NRCAM: variants seen among roughly 807,000 people sequenced by gnomAD.
NRCAM encodes neuronal cell adhesion molecule, also known as NgCAM-related cell adhesion molecule.
A neutral mutation model predicts 156.5 loss-of-function variants in NRCAM; 83 were observed. The ratio of observed to expected loss-of-function variants is 0.53; its 90% confidence interval spans 0.44 to 0.64. The LOEUF (loss-of-function observed/expected upper bound fraction) is 0.64. NRCAM is among the 30% of genes least tolerant of loss of function. NRCAM has a pLI of 0.00. For missense variants in NRCAM, 1,417 were observed against 1,597.3 expected, an observed-to-expected ratio of 0.89 and a Z score of 1.92; for synonymous variants, 538 against 563.9, an observed-to-expected ratio of 0.95 and a Z score of 0.65.
chr7:108,332,355 A>G (rs1024017337), intron 2 of NRCAM, among the ~76,000 whole-genome samples: 1 of 152,246 alleles, frequency 6.6e-6, no homozygotes, highest in African/African-American at 2.4e-5. Flanking sequence ...TTTCAAGAGA[A>G]TAGTAGAGAC....
chr7:108,291,536 C>A (rs116751520), intron 3 of NRCAM, among the ~76,000 whole-genome samples: 6 of 152,280 alleles, frequency 3.9e-5, no homozygotes, highest in African/African-American at 1.4e-4. Flanking sequence ...TCAGGACTGG[C>A]TAACGATAGT....
chr7:108,178,250 G>T, intron 25 of NRCAM, 138 bp from the exon 26 acceptor site: 1 of 752,586 alleles, frequency 1.3e-6, no homozygotes, highest in Non-Finnish European at 2.1e-6. Flanking sequence ...AAATACATTA[G>T]TACAAACCTG....
intron 3 of NRCAM, among the ~76,000 whole-genome samples, chr7:108,296,369 T>C (rs1267019616): frequency 6.6e-6 from 1 of 152,180 alleles, no homozygotes; most frequent in Non-Finnish European, 1.5e-5. Context: ...CACTAAAGTA[T>C]TACTTATGGA....
chr7:108,437,610 G>A (rs1417202358), intron 1 of NRCAM, among the ~76,000 whole-genome samples: 3 of 151,876 alleles, frequency 2.0e-5, no homozygotes, highest in South Asian at 4.2e-4. Flanking sequence ...AAAAAACAAC[G>A]GAGGCCTGAA....
At chr7:108,193,691 A>G (rs1261722896) in intron 17 of NRCAM, among the ~76,000 whole-genome samples, 2 of 152,344 alleles carry the variant, frequency 1.3e-5, no homozygotes, top group African/African-American at 4.8e-5. Context: ...GCTTATTTGT[A>G]GAAAGGTAAT....
chr7:108,189,673 TG>T lies in NRCAM; in HGVS notation c.2006del (p.Pro669GlnfsTer41). On this transcript the variant is annotated frameshift_variant, in exon 20 of 33. Coordinates refer to ENST00000379028, the MANE Select transcript of NRCAM (RefSeq NM_001037132.4). LOFTEE classifies it high-confidence loss of function. ...TAATGGGGCTATTGTTGTCATCGCC[TG>T]GGGTCCATGACAGCTGAACACTTTT... is the stretch of plus-strand genomic sequence containing the variant. ...LDKSVQLSWT[P>X]GDDNNSPITK... 2.7e-6 allele frequency: 4 copies of T among 1,505,104 alleles called. No homozygotes were observed. The highest frequency in any genetic ancestry group is 2.8e-6 in the Non-Finnish European group (3 of 1,083,166). 93.2% of individuals were successfully genotyped at this position (1,505,104 alleles called of 1,614,324 possible).
At position 108,335,434 on chromosome 7, in the gene NRCAM, C is replaced by CTTTTTTTTTTTTTTTTTTTTTT. The variant is rs58975301; in HGVS notation, c.-173-22725_-173-22704dup. 4.6e-4 allele frequency among the ~76,000 whole-genome samples: 32 copies of CTTTTTTTTTTTTTTTTTTTTTT among 69,874 alleles called. 1 individual carries two copies. Among genetic ancestry groups the CTTTTTTTTTTTTTTTTTTTTTT allele is most frequent in the African/African-American group, 6.5e-4 (11 of 17,038 alleles). 45.8% of individuals were successfully genotyped at this position (69,874 alleles called of 152,430 possible). A position where few individuals can be genotyped will look rare whatever the true frequency, so the allele number is the denominator to read the frequency against. Reference sequence around the variant, plus strand: ...ATGTCCTGTGGATCTGTTCCACCTGCTTTTTTTTTTTTTTTTTTTTTTTTT... The same window carrying CTTTTTTTTTTTTTTTTTTTTTT: ...ATGTCCTGTGGATCTGTTCCACCTGCTTTTTTTTTTTTTTTTTTTTTTTTTTTTTTTTTTTTTTTTTTTTTTT... On this transcript the variant is annotated intron_variant, in intron 2 of 32. Coordinates refer to ENST00000379028, the MANE Select transcript of NRCAM (RefSeq NM_001037132.4).
chr7:108,349,193 G>C (rs569163931), intron 2 of NRCAM, among the ~76,000 whole-genome samples: 1 of 152,078 alleles, frequency 6.6e-6, no homozygotes, highest in African/African-American at 2.4e-5. Context: ...TTACTGCTCT[G>C]AGCCTCTCAG....
At chr7:108,256,556 C>T (rs1279973896) in intron 3 of NRCAM, among the ~76,000 whole-genome samples, 2 of 151,548 alleles carry the variant, frequency 1.3e-5, no homozygotes, top group Admixed American at 1.3e-4. Context: ...GCTGACCTTC[C>T]CTCCACTATT....
At chr7:108,379,332 T>C (rs2099690899) in intron 2 of NRCAM, among the ~76,000 whole-genome samples, 1 of 152,200 alleles carries the variant, frequency 6.6e-6, no homozygotes, top group Non-Finnish European at 1.5e-5. Context: ...TTCTGGTGCA[T>C]GCTACAACAT....
intron 2 of NRCAM, among the ~76,000 whole-genome samples, chr7:108,368,583 T>C (rs570090463): frequency 7.0e-4 from 106 of 152,290 alleles, no homozygotes; most frequent in African/African-American, 2.5e-3. Context: ...ACGAGACATA[T>C]ATTTCACTCA....
intron 6 of NRCAM, among the ~76,000 whole-genome samples, chr7:108,233,388 T>C (rs1349468635): frequency 6.6e-6 from 1 of 152,206 alleles, no homozygotes; most frequent in Non-Finnish European, 1.5e-5. Context: ...TGGATGCTAC[T>C]GGCATATTGT....
intron 1 of NRCAM, among the ~76,000 whole-genome samples, chr7:108,433,242 C>A (rs1389332481): frequency 6.6e-6 from 1 of 152,104 alleles, no homozygotes; most frequent in Non-Finnish European, 1.5e-5. Flanking sequence ...CGCCCCCACC[C>A]CGCAACCCAG....
At chr7:108,336,244 T>A (rs1361947043) in intron 2 of NRCAM, among the ~76,000 whole-genome samples, 1 of 152,190 alleles carries the variant, frequency 6.6e-6, no homozygotes, top group African/African-American at 2.4e-5. Flanking sequence ...CAGTGCCCCT[T>A]CCCGGCTGTC....
chr7:108,315,548 C>T (rs537484972), intron 2 of NRCAM, among the ~76,000 whole-genome samples: 1 of 152,302 alleles, frequency 6.6e-6, no homozygotes, highest in Admixed American at 6.5e-5. Context: ...TCTCCAACTA[C>T]AGCTCCATCA....
intron 1 of NRCAM, among the ~76,000 whole-genome samples, chr7:108,443,887 GATAGATAC>G (rs1365809397): frequency 1.3e-4 from 20 of 150,686 alleles, no homozygotes; most frequent in African/African-American, 4.2e-4. Flanking sequence ...GATATAGATA[GATAGATAC>G]ATACATACAT....
chr7:108,449,576 G>A (rs963150845), intron 1 of NRCAM, among the ~76,000 whole-genome samples: 3 of 152,292 alleles, frequency 2.0e-5, no homozygotes, highest in African/African-American at 7.2e-5. Context: ...CTTTGGACAG[G>A]CCACTCTTAC....
intron 11 of NRCAM, among the ~76,000 whole-genome samples, chr7:108,215,242 T>C (rs1201736274): frequency 6.9e-6 from 1 of 145,698 alleles, no homozygotes; most frequent in African/African-American, 2.6e-5. Context: ...AGATGGAGTC[T>C]TGCTCTGTCA....
chr7:108,293,750 A>G (rs2098385558), intron 3 of NRCAM, among the ~76,000 whole-genome samples: 1 of 152,182 alleles, frequency 6.6e-6, no homozygotes, highest in Non-Finnish European at 1.5e-5. Context: ...TCTGCAAGAT[A>G]TTATTATTAT....
Sources: allele counts gnomAD v4.1 joint callset (sites outside exome capture counted in the v4.1 genomes callset), GRCh38; gene constraint gnomAD v4.1.1; transcripts MANE v1.5; gene names NCBI Gene and HGNC (gene_info 2026-07-23, HGNC 2026-07-21).